OR11A1: variants seen among roughly 807,000 people sequenced by gnomAD.
OR11A1 encodes olfactory receptor family 11 subfamily A member 1.
For missense variants in OR11A1, 380 were observed against 378.2 expected, an observed-to-expected ratio of 1.00 and a Z score of -0.04; for synonymous variants, 158 against 152.2, an observed-to-expected ratio of 1.04 and a Z score of -0.28.
chr6:29,431,890 G>T lies in OR11A1; in HGVS notation c.-291C>A. On this transcript the variant is annotated 5_prime_UTR_variant, in exon 2 of 5. Coordinates refer to ENST00000377149, the MANE Select transcript of OR11A1 (RefSeq NM_001394828.1). Reference sequence around the variant, plus strand: ...CGAAATATCGACCCTGTTCTCTAAAGACAGGACTGTGAGGAGGAGATGATC... The same window carrying T: ...CGAAATATCGACCCTGTTCTCTAAATACAGGACTGTGAGGAGGAGATGATC... 1.0e-6 allele frequency: 1 copy of T among 985,238 alleles called. No homozygotes were observed. The highest frequency in any genetic ancestry group is 1.2e-6 in the Non-Finnish European group (1 of 829,782). 61.0% of individuals were successfully genotyped at this position (985,238 alleles called of 1,614,324 possible). A position where few individuals can be genotyped will look rare whatever the true frequency, so the allele number is the denominator to read the frequency against.
rs1040813086 is a variant in OR11A1, at chr6:29,426,329, G to A, written c.*365C>T. ...CACTCATAAGTGGGAGCTAAATTAT[G>A]AAAACATATGGATACATAGAGGGGA... On this transcript the variant is annotated 3_prime_UTR_variant, in exon 5 of 5. Coordinates refer to ENST00000377149, the MANE Select transcript of OR11A1 (RefSeq NM_001394828.1). The A allele has an allele frequency of 3.1e-4, 61 of 198,014 alleles. No homozygotes were observed. Among genetic ancestry groups the A allele is most frequent in the African/African-American group, 1.2e-3 (54 of 43,320 alleles). 12.3% of individuals were successfully genotyped at this position (198,014 alleles called of 1,614,324 possible). A position where few individuals can be genotyped will look rare whatever the true frequency, so the allele number is the denominator to read the frequency against.
Position 29,427,339 on chromosome 6 carries a change from C to A in OR11A1, c.303G>T (p.Gln101His). 1 of 1,613,092 alleles carries A rather than the reference C, an allele frequency of 6.2e-7. No homozygotes were observed. Among genetic ancestry groups the A allele is most frequent in the Non-Finnish European group, 8.5e-7 (1 of 1,180,028 alleles). The change falls in exon 5 of 5, where the codon CAG becomes CAT. Residue 101 changes from glutamine (Q) to histidine (H), a missense_variant. Transcript: ENST00000377149. ...ATISVAGCLL[Q>H]FFIFGSLATA... is the part of the protein sequence containing the mutation. ...TGGCTAGAGAGCCGAAGATAAAGAACTGGAGCAAGCAACCAGCCACAGAGA... is the reference window on the plus strand; with the variant it reads ...TGGCTAGAGAGCCGAAGATAAAGAAATGGAGCAAGCAACCAGCCACAGAGA...
intron 1 of OR11A1, among the ~76,000 whole-genome samples, chr6:29,451,138 T>G (rs773746793): frequency 6.6e-6 from 1 of 152,220 alleles, no homozygotes; most frequent in Non-Finnish European, 1.5e-5. Context: ...CTGGGCTAAC[T>G]GGCTAGCCGT....
intron 1 of OR11A1, among the ~76,000 whole-genome samples, chr6:29,456,456 G>A (rs1786289994): frequency 6.6e-6 from 1 of 151,652 alleles, no homozygotes; most frequent in East Asian, 1.9e-4. Flanking sequence ...TTTTCAGTGA[G>A]CCGAGATCGC....
At chr6:29,435,990 A>G (rs1452512327) in intron 1 of OR11A1, among the ~76,000 whole-genome samples, 1 of 152,246 alleles carries the variant, frequency 6.6e-6, no homozygotes, top group Non-Finnish European at 1.5e-5. Flanking sequence ...GAAAGTTCCA[A>G]ACATTCCACC....
At chr6:29,431,031 G>C (rs1489866986) in intron 2 of OR11A1, among the ~76,000 whole-genome samples, 1 of 152,152 alleles carries the variant, frequency 6.6e-6, no homozygotes. Flanking sequence ...CTGACTGGTA[G>C]AGAAGTAAGA....
intron 1 of OR11A1, among the ~76,000 whole-genome samples, chr6:29,432,807 C>G (rs1054603151): frequency 1.3e-5 from 2 of 152,100 alleles, no homozygotes; most frequent in Non-Finnish European, 2.9e-5. Flanking sequence ...TTATCAAACT[C>G]AGACCCTAAC....
At chr6:29,433,571 C>T (rs749017103) in intron 1 of OR11A1, among the ~76,000 whole-genome samples, 1 of 152,162 alleles carries the variant, frequency 6.6e-6, no homozygotes, top group Non-Finnish European at 1.5e-5. Flanking sequence ...TTTCTCTATC[C>T]ATTCATCTGC....
rs2151356866 is a variant in OR11A1 at position 29,425,870 on chromosome 6, G to A, written c.*824C>T. 1 of 152,232 alleles carries A rather than the reference G, an allele frequency of 6.6e-6. No homozygotes were observed. Among genetic ancestry groups the A allele is most frequent in the South Asian group, 2.1e-4 (1 of 4,830 alleles). 9.4% of individuals were successfully genotyped at this position (152,232 alleles called of 1,614,324 possible). Reference sequence around the variant, plus strand: ...TTTAGGTGCTAAAAGTTTATTACAGGAAAATCCAGATGTAAACAATGTACA... The same window carrying A: ...TTTAGGTGCTAAAAGTTTATTACAGAAAAATCCAGATGTAAACAATGTACA... On this transcript the variant is annotated 3_prime_UTR_variant, in exon 5 of 5. Transcript: ENST00000377149.
intron 1 of OR11A1, among the ~76,000 whole-genome samples, chr6:29,448,039 A>C (rs6907104): frequency 0.12 from 15,663 of 126,684 alleles, 1,685 homozygotes; most frequent in African/African-American, 0.3. Context: ...TTTTTTGAGA[A>C]GGAGTCTAGC....
chr6:29,426,386 G>T lies in OR11A1; in HGVS notation c.*308C>A, dbSNP rs1048672356. ...CACTGAATCCTACTTGAGGGTGGAGGTTGGGAGGAGGGAGAAGATCAGGAA... is the reference window on the plus strand; with the variant it reads ...CACTGAATCCTACTTGAGGGTGGAGTTTGGGAGGAGGGAGAAGATCAGGAA... On this transcript the variant is annotated 3_prime_UTR_variant, in exon 5 of 5. Transcript: ENST00000377149. 10 of 290,742 alleles carry T rather than the reference G, an allele frequency of 3.4e-5. No homozygotes were observed. The highest frequency in any genetic ancestry group is 6.4e-5 in the Non-Finnish European group (10 of 155,674). 18.0% of individuals were successfully genotyped at this position (290,742 alleles called of 1,614,324 possible).
intron 1 of OR11A1, among the ~76,000 whole-genome samples, chr6:29,452,434 C>T (rs1165398177): frequency 6.6e-6 from 1 of 152,070 alleles, no homozygotes; most frequent in Non-Finnish European, 1.5e-5. Flanking sequence ...AATAGCAATC[C>T]ACATTATCAA....
chr6:29,431,072 G>A (rs1051239013), intron 2 of OR11A1, among the ~76,000 whole-genome samples: 29 of 152,042 alleles, frequency 1.9e-4, no homozygotes, highest in African/African-American at 5.3e-4. Flanking sequence ...GTTGTCTAAC[G>A]AACAATCAGC....
Position 29,428,943 on chromosome 6 carries a change from G to A in OR11A1, c.-122C>T. 1 of 974,420 alleles carries A rather than the reference G, an allele frequency of 1.0e-6. No homozygotes were observed. The allele number at this position is 974,420 out of a possible 1,614,324, so 60.4% of individuals were successfully genotyped here. ...GGAAGGTTTTCATATGCTATTCAAA[G>A]CAATATGTGTTTATTAACTGAAGAC... On this transcript the variant is annotated 5_prime_UTR_variant, in exon 4 of 5. Coordinates refer to ENST00000377149, the MANE Select transcript of OR11A1 (RefSeq NM_001394828.1).
At chr6:29,435,275 G>C (rs1168431974) in intron 1 of OR11A1, among the ~76,000 whole-genome samples, 1 of 152,194 alleles carries the variant, frequency 6.6e-6, no homozygotes, top group African/African-American at 2.4e-5. Flanking sequence ...AAAGACACAA[G>C]AGAGGAAGGA....
Position 29,429,829 on chromosome 6 carries a change from G to A in OR11A1, c.-140+472C>T, listed in dbSNP as rs780857004. On this transcript the variant is annotated intron_variant, in intron 3 of 4. Transcript: ENST00000377149. Reference sequence around the variant, plus strand: ...AAAGGGGCCAGGATCAGAGTCTGGGGACCCTTGCTTGTCACAAGAAGGAAC... The same window carrying A: ...AAAGGGGCCAGGATCAGAGTCTGGGAACCCTTGCTTGTCACAAGAAGGAAC... 6.3e-4 allele frequency among the ~76,000 whole-genome samples: 96 copies of A among 152,254 alleles called. 1 individual carries two copies. Among genetic ancestry groups the A allele is most frequent in the Non-Finnish European group, 2.1e-4 (14 of 68,024 alleles).
At position 29,426,720 on chromosome 6, in the gene OR11A1, T is replaced by C; in HGVS notation, c.922A>G (p.Ile308Val). Reference sequence around the variant, plus strand: ...CAATCAAGTGTTTCAGTTTGTTTGATACAGAGAATCTTCCGAAGTGCCTGA... The same window carrying C: ...CAATCAAGTGTTTCAGTTTGTTTGACACAGAGAATCTTCCGAAGTGCCTGA... ...VHQALRKILCIKQTETLD is the reference protein window; with the variant it reads ...VHQALRKILCVKQTETLD The change falls in exon 5 of 5, where the codon ATC (isoleucine) becomes GTC (valine). Residue 308 changes from isoleucine to valine, a missense_variant. Physicochemically the swap from Ile to Val is conservative, Grantham distance 29 (BLOSUM62 3). Transcript: ENST00000377149. 2.5e-6 allele frequency: 4 copies of C among 1,611,900 alleles called. No homozygotes were observed. The highest frequency in any genetic ancestry group is 3.4e-6 in the Non-Finnish European group (4 of 1,179,466).
At chr6:29,430,189 A>T in intron 3 of OR11A1, 112 bp downstream of exon 3, 1 of 702,696 alleles carries the variant, frequency 1.4e-6, no homozygotes, top group Non-Finnish European at 1.7e-6. Flanking sequence ...TGTCTTCCTT[A>T]ACCTAAACCC....
At position 29,432,118 on chromosome 6, in the gene OR11A1, C is replaced by T. The variant is rs184214000; in HGVS notation, c.-388-131G>A. 103 of 534,420 alleles carry T rather than the reference C, an allele frequency of 1.9e-4. 1 individual carries two copies. In the African/African-American group the frequency reaches 2.0e-3, roughly 11 times the overall value. 33.1% of individuals were successfully genotyped at this position (534,420 alleles called of 1,614,324 possible). ...TCTGTCCTTTCATCGCAGTCCTTTC[C>T]CTCTATCACATGGGAGGGCAGGAAA... is the stretch of plus-strand genomic sequence containing the variant. On this transcript the variant is annotated intron_variant, in intron 1 of 4. Coordinates refer to ENST00000377149, the MANE Select transcript of OR11A1 (RefSeq NM_001394828.1).
Sources: gnomAD v4.1 joint callset for allele counts (sites outside exome capture counted in the v4.1 genomes callset) on GRCh38, gnomAD v4.1.1 for gene constraint, MANE v1.5 for transcripts, NCBI Gene and HGNC (gene_info 2026-07-23, HGNC 2026-07-21) for gene names.